Variants in TEKT5 observed in about 807,000 individuals in gnomAD.
TEKT5 encodes tektin 5.
Under a neutral mutation model 48.7 loss-of-function variants are expected in TEKT5, and 52 were observed. The ratio of observed to expected loss-of-function variants is 1.07; its 90% CI spans 0.86 to 1.35. TEKT5 has a LOEUF of 1.35. Ranked by LOEUF, TEKT5 falls within the 40% of genes most tolerant of loss-of-function variation. TEKT5 has a pLI of 0.00. For synonymous variants in TEKT5, 318 were observed against 267.6 expected (o/e 1.19, Z -1.84); for missense variants, 831 against 641.6 (o/e 1.30, Z -3.19).
chr16:10,666,717 G>A (rs897174544), intron 5 of TEKT5, among the ~76,000 whole-genome samples: 5 of 152,182 alleles, frequency 3.3e-5, no homozygotes, highest in Non-Finnish European at 7.3e-5. Flanking sequence ...GCCAGGGATG[G>A]GGTGTTGTTC....
rs538806042 is a variant in TEKT5 at position 10,632,077 on chromosome 16, A to G, written c.1241+3687T>C. On this transcript the variant is annotated intron_variant, in intron 6 of 6. Transcript: ENST00000283025. ...GACATGAAGCTGGGTGAACTTCCCC[A>G]TGGGAAGCCTGGGCTAGAGAGAAGC... Among the ~76,000 whole-genome samples, 11 of 152,278 alleles carry G rather than the reference A, an allele frequency of 7.2e-5. No homozygotes were observed. The South Asian group carries it at 1.0e-3, about 14-fold the overall frequency.
intron 5 of TEKT5, among the ~76,000 whole-genome samples, chr16:10,637,373 T>G (rs1265812723): frequency 6.7e-6 from 1 of 148,206 alleles, no homozygotes; most frequent in South Asian, 2.1e-4. Flanking sequence ...TTTACCCTCT[T>G]AATAACTAGA....
chr16:10,658,473 T>G (rs899425442), intron 5 of TEKT5, among the ~76,000 whole-genome samples: 1 of 152,066 alleles, frequency 6.6e-6, no homozygotes, highest in Non-Finnish European at 1.5e-5. Context: ...CTATATTGAG[T>G]AGAAGCAGCC....
chr16:10,668,029 C>A lies in TEKT5; in HGVS notation c.1086+7930G>T, dbSNP rs533336573. Among the ~76,000 whole-genome samples the A allele has an allele frequency of 2.0e-5, 3 of 152,192 alleles. No homozygotes were observed. The East Asian group carries it at 5.8e-4, about 29-fold the overall frequency. On this transcript the variant is annotated intron_variant, in intron 5 of 6. Transcript: ENST00000283025. ...AGTAGCTGGAACTACAGGCATGCGCCACCATGCCCAGCTAATTTTTGTATT... is the reference window on the plus strand; with the variant it reads ...AGTAGCTGGAACTACAGGCATGCGCAACCATGCCCAGCTAATTTTTGTATT...
At chr16:10,690,221 T>A in intron 1 of TEKT5, 196 bp from the exon 2 acceptor site, 2 of 589,708 alleles carry the variant, frequency 3.4e-6, no homozygotes, top group South Asian at 4.6e-5. Flanking sequence ...GGTTGTCATA[T>A]GACCAAGGCA....
At chr16:10,643,884 G>GA (rs1361242995) in intron 5 of TEKT5, among the ~76,000 whole-genome samples, 2 of 151,704 alleles carry the variant, frequency 1.3e-5, no homozygotes, top group African/African-American at 2.4e-5. Flanking sequence ...ACTAAAAATA[G>GA]AAAAAAAATT....
At chr16:10,657,635 G>A (rs1184876194) in intron 5 of TEKT5, among the ~76,000 whole-genome samples, 1 of 150,380 alleles carries the variant, frequency 6.6e-6, no homozygotes, top group South Asian at 2.1e-4. Context: ...AGTCACCCAG[G>A]CTGGAGTGCA....
chr16:10,637,246 G>C (rs1897928319), intron 5 of TEKT5, among the ~76,000 whole-genome samples: 1 of 151,734 alleles, frequency 6.6e-6, no homozygotes, highest in South Asian at 2.1e-4. Flanking sequence ...ATGTTGGCCA[G>C]GCTTGTCTCA....
intron 3 of TEKT5, among the ~76,000 whole-genome samples, chr16:10,684,188 T>C (rs1481925854): frequency 6.6e-6 from 1 of 152,054 alleles, no homozygotes; most frequent in Admixed American, 6.6e-5. Context: ...ATTGTTAGAG[T>C]AGAGAAGGGA....
chr16:10,660,611 C>T (rs1400766959), intron 5 of TEKT5, among the ~76,000 whole-genome samples: 3 of 151,962 alleles, frequency 2.0e-5, no homozygotes, highest in Admixed American at 2.0e-4. Context: ...CCCAGAGCCG[C>T]CACTTCCTTC....
intron 5 of TEKT5, among the ~76,000 whole-genome samples, chr16:10,641,273 A>G (rs2541532): frequency 0.022 from 3,422 of 152,256 alleles, 132 homozygotes; most frequent in African/African-American, 0.079. Flanking sequence ...GTACAGGTGG[A>G]CAGGCAGGTT....
chr16:10,682,257 G>A, intron 3 of TEKT5, 121 bp from the exon 4 acceptor site: 1 of 1,124,442 alleles, frequency 8.9e-7, no homozygotes, highest in Non-Finnish European at 1.3e-6. Flanking sequence ...TAGCTTCTCA[G>A]TCCTCTTCCC....
intron 5 of TEKT5, among the ~76,000 whole-genome samples, chr16:10,662,762 A>T (rs1417983545): frequency 6.6e-6 from 1 of 152,130 alleles, no homozygotes; most frequent in Non-Finnish European, 1.5e-5. Context: ...GCCATTTCCT[A>T]GCTGGAGTGG....
intron 4 of TEKT5, among the ~76,000 whole-genome samples, chr16:10,680,924 G>A (rs1898735152): frequency 6.6e-6 from 1 of 150,620 alleles, no homozygotes; most frequent in Non-Finnish European, 1.5e-5. Context: ...ACGATTTAGT[G>A]GGTGCAGCGC....
intron 5 of TEKT5, among the ~76,000 whole-genome samples, chr16:10,657,427 C>T (rs1177135807): frequency 1.3e-5 from 2 of 152,218 alleles, no homozygotes; most frequent in South Asian, 2.1e-4. Context: ...CATGCCCGGC[C>T]TAGAGCTGCT....
intron 5 of TEKT5, among the ~76,000 whole-genome samples, chr16:10,652,960 T>C (rs1898195435): frequency 6.6e-6 from 1 of 152,134 alleles, no homozygotes; most frequent in East Asian, 1.9e-4. Flanking sequence ...AACAATCTCT[T>C]ATATACACAG....
At chr16:10,647,986 C>G (rs559661007) in intron 5 of TEKT5, among the ~76,000 whole-genome samples, 1 of 152,332 alleles carries the variant, frequency 6.6e-6, no homozygotes, top group South Asian at 2.1e-4. Context: ...ACTTGTTGAG[C>G]ACATACGAGT....
chr16:10,694,222 C>T, intron 1 of TEKT5, 88 bp downstream of exon 1: 2 of 1,379,628 alleles, frequency 1.4e-6, no homozygotes, highest in Non-Finnish European at 1.9e-6. Flanking sequence ...AAGGTGCCTG[C>T]CACCTTCATC....
chr16:10,678,984 G>C (rs1481204176), intron 4 of TEKT5, among the ~76,000 whole-genome samples: 1 of 152,116 alleles, frequency 6.6e-6, no homozygotes, highest in Non-Finnish European at 1.5e-5. Context: ...AAACACACAG[G>C]CTCAGTATTC....
Sources: gnomAD v4.1 joint callset for allele counts (sites outside exome capture counted in the v4.1 genomes callset) on GRCh38, gnomAD v4.1.1 for gene constraint, MANE v1.5 for transcripts, NCBI Gene and HGNC (gene_info 2026-07-23, HGNC 2026-07-21) for gene names.